The following ASIC2 variants were observed in gnomAD, a reference collection of about 807,000 sequenced individuals.
ASIC2 encodes the protein acid-sensing ion channel 2.
A neutral mutation model predicts 57.3 loss-of-function variants in ASIC2; 25 were observed. That is an observed-to-expected ratio of 0.44 (90% CI 0.32 to 0.61). The LOEUF (loss-of-function observed/expected upper bound fraction) is 0.61, where lower values mean the gene tolerates loss of function less well. Ranked by LOEUF, ASIC2 falls within the 20% of genes least tolerant of loss-of-function variation. The pLI, the probability that ASIC2 is intolerant of heterozygous loss-of-function variation, is 0.06. For synonymous variants in ASIC2, 319 were observed against 307.5 expected, an observed-to-expected ratio of 1.04 and a Z score of -0.39; for missense variants, 641 against 738.1, an observed-to-expected ratio of 0.87 and a Z score of 1.52.
intron 1 of ASIC2, among the ~76,000 whole-genome samples, chr17:33,143,234 A>T (rs557865038): frequency 6.6e-6 from 1 of 152,338 alleles, no homozygotes; most frequent in South Asian, 2.1e-4. Context: ...ACATGTAGAT[A>T]TCTCAGGTGG....
chr17:33,775,740 T>A (rs1314440960), intron 1 of ASIC2, among the ~76,000 whole-genome samples: 1 of 152,156 alleles, frequency 6.6e-6, no homozygotes. Flanking sequence ...TTTGTCCACC[T>A]CCTCCTGACA....
At chr17:33,389,254 C>G (rs1909805973) in intron 1 of ASIC2, among the ~76,000 whole-genome samples, 1 of 152,142 alleles carries the variant, frequency 6.6e-6, no homozygotes, top group South Asian at 2.1e-4. Context: ...AGCCACCGTG[C>G]CTGGCTCTCT....
At chr17:34,039,289 C>T in intron 1 of ASIC2, 1 of 1,613,938 alleles carries the variant, frequency 6.2e-7, no homozygotes, top group Non-Finnish European at 8.5e-7. Context: ...TTGGGAGCTG[C>T]AGGAATGCTC....
At chr17:33,171,812 C>T (rs1223654079) in intron 1 of ASIC2, among the ~76,000 whole-genome samples, 1 of 152,116 alleles carries the variant, frequency 6.6e-6, no homozygotes, top group Non-Finnish European at 1.5e-5. Flanking sequence ...TCCCTTGGGC[C>T]CCCTTTTAGT....
intron 1 of ASIC2, among the ~76,000 whole-genome samples, chr17:34,061,301 G>T (rs1447987556): frequency 6.6e-6 from 1 of 152,164 alleles, no homozygotes; most frequent in Non-Finnish European, 1.5e-5. Context: ...GAAATGTGGA[G>T]AGAATTTGCC....
At chr17:34,141,562 G>C (rs377591843) in intron 1 of ASIC2, among the ~76,000 whole-genome samples, 3 of 152,132 alleles carry the variant, frequency 2.0e-5, no homozygotes, top group Non-Finnish European at 4.4e-5. Context: ...TCTAGACTGG[G>C]TATTATTCTT....
At chr17:34,059,767 A>G (rs1021520917) in intron 1 of ASIC2, among the ~76,000 whole-genome samples, 3 of 152,084 alleles carry the variant, frequency 2.0e-5, no homozygotes, top group Admixed American at 1.3e-4. Flanking sequence ...AGAGGCAGCC[A>G]TAATCCTCCC....
intron 2 of ASIC2, among the ~76,000 whole-genome samples, chr17:33,100,553 G>C (rs1234478869): frequency 6.6e-6 from 1 of 152,162 alleles, no homozygotes; most frequent in Admixed American, 6.5e-5. Flanking sequence ...CACAGCACTT[G>C]GTGACACTTA....
chr17:33,595,519 C>T lies in ASIC2; in HGVS notation c.556-483452G>A, dbSNP rs753517270. Among the ~76,000 whole-genome samples the T allele has an allele frequency of 7.9e-5, 12 of 152,220 alleles. 1 individual carries two copies. Among genetic ancestry groups the T allele is most frequent in the Non-Finnish European group, 2.9e-5 (2 of 68,036 alleles). On this transcript the variant is annotated intron_variant, in intron 1 of 9. Transcript: ENST00000359872. Reference sequence around the variant, plus strand: ...TTAACTGCGTAAGAAGCATTGGGAGCCTCAGCTATAGGGGCTTTTATTTCT... The same window carrying T: ...TTAACTGCGTAAGAAGCATTGGGAGTCTCAGCTATAGGGGCTTTTATTTCT...
chr17:33,160,515 G>A (rs991373898), intron 1 of ASIC2, among the ~76,000 whole-genome samples: 6 of 152,194 alleles, frequency 3.9e-5, no homozygotes, highest in Admixed American at 3.3e-4. Context: ...CTGTGTAGTG[G>A]GGCAGTCCAA....
chr17:33,503,956 A>G lies in ASIC2; in HGVS notation c.556-391889T>C, dbSNP rs1405236766. 5.9e-5 allele frequency among the ~76,000 whole-genome samples: 9 copies of G among 152,360 alleles called. No individual in the cohort carries two copies. The South Asian group carries it at 1.7e-3, about 28-fold the overall frequency. On this transcript the variant is annotated intron_variant, in intron 1 of 9. Transcript: ENST00000359872. ...AGGACACATTGCAGACACACCAGCAACATGAAGAGAATGGGGAAGGGGCAA... is the reference window on the plus strand; with the variant it reads ...AGGACACATTGCAGACACACCAGCAGCATGAAGAGAATGGGGAAGGGGCAA...
intron 1 of ASIC2, among the ~76,000 whole-genome samples, chr17:33,368,615 C>T (rs981086672): frequency 2.2e-4 from 34 of 152,198 alleles, no homozygotes; most frequent in African/African-American, 8.0e-4. Flanking sequence ...CACTGAGTTG[C>T]GTGACTTAAC....
At chr17:33,714,136 C>T (rs913616679) in intron 1 of ASIC2, among the ~76,000 whole-genome samples, 1 of 152,146 alleles carries the variant, frequency 6.6e-6, no homozygotes, top group African/African-American at 2.4e-5. Context: ...CTTCACCCCA[C>T]TCCCCATGAG....
chr17:33,956,023 TTAATA>T (rs1904723960), intron 1 of ASIC2, among the ~76,000 whole-genome samples: 1 of 152,024 alleles, frequency 6.6e-6, no homozygotes, highest in African/African-American at 2.4e-5. Context: ...ACTATTATAA[TTAATA>T]TAATATAATG....
chr17:33,308,959 T>C (rs139369822), intron 1 of ASIC2, among the ~76,000 whole-genome samples: 144 of 152,332 alleles, frequency 9.5e-4, no homozygotes, highest in East Asian at 8.7e-3. Flanking sequence ...GGTAGCCATG[T>C]TCTACGTATG....
At chr17:33,332,863 C>A (rs1460035531) in intron 1 of ASIC2, among the ~76,000 whole-genome samples, 2 of 152,056 alleles carry the variant, frequency 1.3e-5, no homozygotes, top group Non-Finnish European at 2.9e-5. Context: ...TGCACTCCAG[C>A]CTGGGTGACA....
intron 1 of ASIC2, chr17:33,932,565 T>G (rs1915953301): frequency 6.6e-6 from 1 of 150,502 alleles, no homozygotes; most frequent in Admixed American, 6.6e-5. Context: ...AATACAAAAT[T>G]AGCCGAGCAT....
chr17:34,099,129 AGAGAGAGAGAGAGAGAC>A (rs1910669804), intron 1 of ASIC2, among the ~76,000 whole-genome samples: 1 of 28,352 alleles, frequency 3.5e-5, no homozygotes, highest in African/African-American at 1.2e-4. Flanking sequence ...AGAGAGAGAG[AGAGAGAGAGAGAGAGAC>A]AGAGAGAGAG....
intron 1 of ASIC2, among the ~76,000 whole-genome samples, chr17:33,204,771 G>A (rs1310923301): frequency 6.6e-6 from 1 of 152,178 alleles, no homozygotes; most frequent in Non-Finnish European, 1.5e-5. Context: ...TTAGAGAAGT[G>A]GGCTTTCATT....
Sources: gnomAD v4.1 joint callset for allele counts (sites outside exome capture counted in the v4.1 genomes callset) on GRCh38, gnomAD v4.1.1 for gene constraint, MANE v1.5 for transcripts, NCBI Gene and HGNC (gene_info 2026-07-23, HGNC 2026-07-21) for gene names.